The following MAGI2 variants were observed in gnomAD, a reference collection of about 807,000 sequenced individuals.
The protein encoded by MAGI2 is membrane-associated guanylate kinase, WW and PDZ domain-containing protein 2.
Under a neutral mutation model 133.3 loss-of-function variants are expected in MAGI2, and 35 were observed. The ratio of observed to expected loss-of-function variants is 0.26; its 90% CI spans 0.20 to 0.35. The LOEUF (loss-of-function observed/expected upper bound fraction) is 0.35, where lower values mean the gene tolerates loss of function less well. Ranked by LOEUF, MAGI2 falls within the 10% of genes least tolerant of loss-of-function variation. The probability of loss-of-function intolerance (pLI) is 1.00; values close to 1 mark genes in which losing one functional copy is unlikely to be tolerated. For synonymous variants in MAGI2, 729 were observed against 710.6 expected (o/e 1.03, Z -0.41); for missense variants, 1,636 against 1,863.4 (o/e 0.88, Z 2.25).
intron 9 of MAGI2, among the ~76,000 whole-genome samples, chr7:78,270,577 G>GTA (rs751934809): frequency 1.7e-4 from 26 of 152,248 alleles, no homozygotes; most frequent in Non-Finnish European, 3.4e-4. Flanking sequence ...TGTTATTGGT[G>GTA]TATAGGAATG....
At chr7:78,846,446 A>G (rs924625434) in intron 2 of MAGI2, among the ~76,000 whole-genome samples, 19 of 151,970 alleles carry the variant, frequency 1.3e-4, no homozygotes, top group Non-Finnish European at 2.4e-4. Flanking sequence ...CTTCACGCTC[A>G]GAGTTGCCTG....
chr7:78,133,097 T>G (rs1584070470), intron 17 of MAGI2, 37 bp from the exon 18 acceptor site: 1 of 1,487,818 alleles, frequency 6.7e-7, no homozygotes, highest in African/African-American at 1.4e-5. Flanking sequence ...TGCAGTCAGG[T>G]TAGTGTTGAT....
At chr7:78,570,612 T>C (rs1333713421) in intron 3 of MAGI2, among the ~76,000 whole-genome samples, 1 of 152,150 alleles carries the variant, frequency 6.6e-6, no homozygotes, top group Non-Finnish European at 1.5e-5. Context: ...AAAACCTTTT[T>C]TTTCCTCACA....
At chr7:79,063,745 G>A (rs1814017638) in intron 1 of MAGI2, among the ~76,000 whole-genome samples, 1 of 151,926 alleles carries the variant, frequency 6.6e-6, no homozygotes. Flanking sequence ...CAATCCATCT[G>A]CTTCTCAAAT....
intron 2 of MAGI2, among the ~76,000 whole-genome samples, chr7:78,683,818 G>A (rs530149206): frequency 4.5e-4 from 69 of 152,176 alleles, no homozygotes; most frequent in African/African-American, 1.6e-3. Context: ...GAATACTAAC[G>A]TTTCTGTCTC....
intron 2 of MAGI2, among the ~76,000 whole-genome samples, chr7:78,688,284 T>A (rs1199138362): frequency 6.6e-6 from 1 of 152,158 alleles, no homozygotes; most frequent in African/African-American, 2.4e-5. Flanking sequence ...AAAATTATAT[T>A]GCTGGTCTCT....
Position 78,079,146 on chromosome 7 carries a change from C to A in MAGI2, c.3568-61G>T. 6 of 1,501,022 alleles carry A rather than the reference C, an allele frequency of 4.0e-6. No homozygotes were observed. The South Asian group carries it at 4.7e-5, about 12-fold the overall frequency. 93.0% of individuals were successfully genotyped at this position (1,501,022 alleles called of 1,614,324 possible). ...GGTTTTACTCAAGTTGCATTGTCAA[C>A]AGATTAAAAAAAAAGCATGTCTAGA... On this transcript the variant is annotated intron_variant, in intron 20 of 21. Coordinates refer to ENST00000354212, the MANE Select transcript of MAGI2 (RefSeq NM_012301.4).
chr7:79,080,511 T>C (rs1815943602), intron 1 of MAGI2, among the ~76,000 whole-genome samples: 2 of 152,268 alleles, frequency 1.3e-5, no homozygotes, highest in East Asian at 3.9e-4. Context: ...TTTTAAATAG[T>C]GTTTAAAGGC....
intron 6 of MAGI2, among the ~76,000 whole-genome samples, chr7:78,428,436 C>T (rs933170885): frequency 6.6e-6 from 1 of 152,102 alleles, no homozygotes; most frequent in African/African-American, 2.4e-5. Flanking sequence ...TTATTATTAG[C>T]TATCTTCTTA....
intron 2 of MAGI2, among the ~76,000 whole-genome samples, chr7:78,739,440 C>G (rs372565501): frequency 1.3e-5 from 2 of 152,090 alleles, no homozygotes; most frequent in African/African-American, 4.8e-5. Context: ...GGTGATAGAA[C>G]GAGGTGCCAC....
intron 1 of MAGI2, among the ~76,000 whole-genome samples, chr7:79,045,372 T>C (rs1189212423): frequency 6.6e-6 from 1 of 152,246 alleles, no homozygotes; most frequent in Non-Finnish European, 1.5e-5. Flanking sequence ...TTGTAAATTA[T>C]AGCTCAATAT....
chr7:78,139,390 A>G (rs970443578), intron 16 of MAGI2, among the ~76,000 whole-genome samples: 5 of 152,234 alleles, frequency 3.3e-5, no homozygotes, highest in African/African-American at 1.2e-4. Context: ...GGATGTGCTC[A>G]GAGAGGATTC....
At chr7:78,545,228 T>C (rs951484423) in intron 3 of MAGI2, among the ~76,000 whole-genome samples, 1 of 148,116 alleles carries the variant, frequency 6.8e-6, no homozygotes, top group Non-Finnish European at 1.5e-5. Context: ...TTTTTTTTTT[T>C]TTTTTTGAGA....
chr7:79,241,773 G>A (rs570136250), intron 1 of MAGI2, among the ~76,000 whole-genome samples: 2 of 152,238 alleles, frequency 1.3e-5, no homozygotes, highest in East Asian at 3.9e-4. Context: ...ACATCATATT[G>A]TAGAATCTAA....
intron 2 of MAGI2, among the ~76,000 whole-genome samples, chr7:78,644,494 A>G (rs189095310): frequency 2.6e-5 from 4 of 152,296 alleles, no homozygotes; most frequent in Non-Finnish European, 5.9e-5. Context: ...TTAGAAACCA[A>G]TAACAGAAAT....
intron 2 of MAGI2, among the ~76,000 whole-genome samples, chr7:78,986,450 T>A (rs1805270153): frequency 6.6e-6 from 1 of 152,068 alleles, no homozygotes; most frequent in African/African-American, 2.4e-5. Flanking sequence ...ATAAAACCTA[T>A]TATCCTATTT....
chr7:78,338,058 T>C (rs899285973), intron 9 of MAGI2, among the ~76,000 whole-genome samples: 1 of 152,212 alleles, frequency 6.6e-6, no homozygotes, highest in Non-Finnish European at 1.5e-5. Flanking sequence ...AAAAATTCTA[T>C]GAGAATGGTT....
intron 6 of MAGI2, among the ~76,000 whole-genome samples, chr7:78,382,987 A>T (rs1795063861): frequency 6.6e-6 from 1 of 152,054 alleles, no homozygotes; most frequent in Non-Finnish European, 1.5e-5. Context: ...TATATATACC[A>T]CGTTTTCTGT....
At chr7:78,654,911 G>A (rs1812004469) in intron 2 of MAGI2, among the ~76,000 whole-genome samples, 1 of 151,506 alleles carries the variant, frequency 6.6e-6, no homozygotes, top group African/African-American at 2.4e-5. Flanking sequence ...ATAGAAAAAT[G>A]TTATTTAAAA....
Sources: allele counts gnomAD v4.1 joint callset (sites outside exome capture counted in the v4.1 genomes callset), GRCh38; gene constraint gnomAD v4.1.1; transcripts MANE v1.5; gene names NCBI Gene and HGNC (gene_info 2026-07-23, HGNC 2026-07-21).